SLC44A3: variants seen among roughly 807,000 people sequenced by gnomAD.
The protein encoded by SLC44A3 is solute carrier family 44 member 3, also known as choline transporter-like protein 3.
SLC44A3 carries 74 observed loss-of-function variants against 75.4 expected under a neutral mutation model. That is an observed-to-expected ratio of 0.98 (90% confidence interval 0.81 to 1.19). The LOEUF is 1.19. Ranked by LOEUF, SLC44A3 falls within the 50% of genes most tolerant of loss-of-function variation. The pLI is 0.00. For synonymous variants in SLC44A3, 310 were observed against 296.9 expected (o/e 1.04, Z -0.45); for missense variants, 700 against 778.6 (o/e 0.90, Z 1.20).
At chr1:94,856,767 G>A (rs1157738951) in intron 9 of SLC44A3, among the ~76,000 whole-genome samples, 1 of 151,816 alleles carries the variant, frequency 6.6e-6, no homozygotes, top group Non-Finnish European at 1.5e-5. Flanking sequence ...ATCTTGCTCT[G>A]TCACCCAGGC....
In SLC44A3 at chr1:94,894,874, C is replaced by T; in HGVS notation, c.1914C>T (p.His638=). The change falls in exon 15 of 15, where the codon CAC becomes CAT. Residue 638 remains histidine (H), a synonymous_variant. Coordinates refer to ENST00000271227, the MANE Select transcript of SLC44A3 (RefSeq NM_001114106.3). The part of the protein sequence containing the change: ...LNNARAQQDK[H]SLRNEEGTEL... The stretch of plus-strand genomic sequence containing the variant: ...ATGCAAGGGCACAGCAGGACAAGCA[C>T]TCATTAAGGAATGAGGAGGGAACAG... 1 of 1,612,526 alleles carries T rather than the reference C, an allele frequency of 6.2e-7. No individual in the cohort carries two copies.
chr1:94,873,855 A>T (rs146532616), intron 12 of SLC44A3, among the ~76,000 whole-genome samples: 352 of 152,348 alleles, frequency 2.3e-3, no homozygotes, highest in Non-Finnish European at 4.3e-3. Flanking sequence ...TAGGAAAATG[A>T]TGTAAAGTTT....
intron 2 of SLC44A3, 44 bp downstream of exon 2, chr1:94,821,100 CACGT>C: frequency 6.8e-7 from 1 of 1,474,046 alleles, no homozygotes; most frequent in Non-Finnish European, 9.3e-7. Context: ...AGTGTGTGTG[CACGT>C]CTGGAAATAA....
chr1:94,853,425 G>A (rs1013549247), intron 9 of SLC44A3, among the ~76,000 whole-genome samples: 1 of 152,182 alleles, frequency 6.6e-6, no homozygotes, highest in Admixed American at 6.5e-5. Flanking sequence ...AGAGGAAAGA[G>A]TCCACAGTAG....
chr1:94,835,265 C>T (rs1662631591), intron 5 of SLC44A3, among the ~76,000 whole-genome samples: 1 of 152,112 alleles, frequency 6.6e-6, no homozygotes, highest in South Asian at 2.1e-4. Context: ...GTTTGGGCAA[C>T]ATAGCAAGAC....
At chr1:94,832,538 C>T (rs1234670795) in intron 5 of SLC44A3, among the ~76,000 whole-genome samples, 1 of 152,178 alleles carries the variant, frequency 6.6e-6, no homozygotes, top group Non-Finnish European at 1.5e-5. Flanking sequence ...TTCTCTGTCT[C>T]TTTAAATTTA....
intron 9 of SLC44A3, among the ~76,000 whole-genome samples, chr1:94,848,055 C>T (rs1003479662): frequency 2.3e-4 from 35 of 152,088 alleles, no homozygotes; most frequent in African/African-American, 4.8e-4. Context: ...GGTGAAACCC[C>T]GTCTCTACTA....
At chr1:94,891,300 G>A in intron 13 of SLC44A3, 33 bp downstream of exon 13, 1 of 1,566,172 alleles carries the variant, frequency 6.4e-7, no homozygotes, top group Non-Finnish European at 8.6e-7. Flanking sequence ...AGGAGCCTGG[G>A]ATTCTGAAAA....
At chr1:94,838,016 T>A in intron 6 of SLC44A3, 145 bp downstream of exon 6, 1 of 844,376 alleles carries the variant, frequency 1.2e-6, no homozygotes, top group Non-Finnish European at 1.7e-6. Flanking sequence ...GTTTCAGATT[T>A]AAGTGGGATG....
At chr1:94,833,044 C>T (rs1304978146) in intron 5 of SLC44A3, among the ~76,000 whole-genome samples, 1 of 151,942 alleles carries the variant, frequency 6.6e-6, no homozygotes, top group East Asian at 1.9e-4. Flanking sequence ...CAAACTTCTG[C>T]CCCCTGCACG....
At chr1:94,827,049 C>T (rs79775260) in intron 3 of SLC44A3, among the ~76,000 whole-genome samples, 1,802 of 152,342 alleles carry the variant, frequency 0.012, 37 homozygotes, top group African/African-American at 0.042. Context: ...AAAGACAAGC[C>T]TTTGGTTCCC....
At chr1:94,880,474 T>C (rs1668826568) in intron 12 of SLC44A3, among the ~76,000 whole-genome samples, 1 of 152,246 alleles carries the variant, frequency 6.6e-6, no homozygotes, top group African/African-American at 2.4e-5. Context: ...CCATTCAGTA[T>C]TTCCAATCAT....
At chr1:94,837,548 T>C (rs1292168264) in intron 5 of SLC44A3, among the ~76,000 whole-genome samples, 163 bp from the exon 6 acceptor site, 1 of 152,224 alleles carries the variant, frequency 6.6e-6, no homozygotes. Flanking sequence ...TAGCAGAGCA[T>C]ACTTGCCTGG....
intron 5 of SLC44A3, 43 bp downstream of exon 5, chr1:94,828,629 A>G (rs768028821): frequency 3.4e-5 from 53 of 1,550,532 alleles, no homozygotes; most frequent in Admixed American, 1.0e-4. Flanking sequence ...AACAAAAGTT[A>G]CTGGGTACTT....
At chr1:94,843,440 G>A (rs1314597641) in intron 8 of SLC44A3, 1 of 152,146 alleles carries the variant, frequency 6.6e-6, no homozygotes, top group Admixed American at 6.5e-5. Flanking sequence ...ACAACTGAAG[G>A]GTCTCCTCTG....
Position 94,820,391 on chromosome 1 carries a change from G to A in SLC44A3, c.-61G>A, listed in dbSNP as rs891570032. On this transcript the variant is annotated 5_prime_UTR_variant, in exon 1 of 15. Transcript: ENST00000271227. ...CCCGGCCCCGGCTCGCGGGCGCTGC[G>A]TCTCCGCGTACAGGAGGCGGCGGCG... The A allele has an allele frequency of 1.3e-5, 19 of 1,415,250 alleles. 1 individual carries two copies. The African/African-American group carries it at 2.6e-4, about 19-fold the overall frequency. The allele number at this position is 1,415,250 out of a possible 1,614,324, so 87.7% of individuals were successfully genotyped here.
intron 7 of SLC44A3, among the ~76,000 whole-genome samples, chr1:94,841,384 C>G (rs531252889): frequency 6.6e-6 from 1 of 152,290 alleles, no homozygotes; most frequent in South Asian, 2.1e-4. Context: ...GCCCTGTAGC[C>G]CTGTGTCGGA....
At chr1:94,838,021 G>C in intron 6 of SLC44A3, 150 bp downstream of exon 6, 1 of 829,212 alleles carries the variant, frequency 1.2e-6, no homozygotes, top group African/African-American at 1.8e-5. Flanking sequence ...AGATTTAAGT[G>C]GGATGGGGGC....
chr1:94,862,573 A>G (rs114257203), intron 10 of SLC44A3, among the ~76,000 whole-genome samples: 250 of 152,326 alleles, frequency 1.6e-3, no homozygotes, highest in African/African-American at 5.6e-3. Flanking sequence ...TCTGGGAGCC[A>G]GGCACCATTA....
Sources: allele counts gnomAD v4.1 joint callset (sites outside exome capture counted in the v4.1 genomes callset), GRCh38; gene constraint gnomAD v4.1.1; transcripts MANE v1.5; gene names NCBI Gene and HGNC (gene_info 2026-07-23, HGNC 2026-07-21).